CERT1: variants seen among roughly 807,000 people sequenced by gnomAD.
CERT1 encodes ceramide transfer protein.
A neutral mutation model predicts 87.9 loss-of-function variants in CERT1; 31 were observed. That is an observed-to-expected ratio of 0.35 (90% CI 0.27 to 0.48). The LOEUF (loss-of-function observed/expected upper bound fraction) is 0.48, where lower values mean the gene tolerates loss of function less well. Among genes scored for constraint, CERT1 ranks in the 20% least tolerant of loss-of-function variants. The probability of loss-of-function intolerance (pLI) is 0.99; values close to 1 mark genes in which losing one functional copy is unlikely to be tolerated. For missense variants in CERT1, 487 were observed against 758.0 expected (o/e 0.64, Z 4.20); for synonymous variants, 289 against 250.9 (o/e 1.15, Z -1.44).
chr5:75,486,525 A>AT (rs1168819245), intron 2 of CERT1, among the ~76,000 whole-genome samples: 1 of 152,140 alleles, frequency 6.6e-6, no homozygotes, highest in Non-Finnish European at 1.5e-5. Context: ...AATGAAGGGT[A>AT]TATGAATTGG....
At chr5:75,449,258 G>A (rs115834987) in intron 3 of CERT1, among the ~76,000 whole-genome samples, 2,751 of 152,168 alleles carry the variant, frequency 0.018, 82 homozygotes, top group African/African-American at 0.061. Flanking sequence ...TAGGATAGGA[G>A]AGCAAAAGTT....
chr5:75,509,882 G>C (rs963479616), intron 1 of CERT1, among the ~76,000 whole-genome samples: 1 of 152,080 alleles, frequency 6.6e-6, no homozygotes, highest in Non-Finnish European at 1.5e-5. Context: ...GGAGCTTCTC[G>C]TTACTGAAAA....
At chr5:75,510,862 C>A (rs1767932018) in intron 1 of CERT1, among the ~76,000 whole-genome samples, 1 of 152,202 alleles carries the variant, frequency 6.6e-6, no homozygotes, top group Non-Finnish European at 1.5e-5. Flanking sequence ...TCACGGCGCG[C>A]ATCTGGCCTC....
chr5:75,389,806 T>C (rs1276549742), intron 11 of CERT1, 119 bp from the exon 12 acceptor site: 2 of 701,032 alleles, frequency 2.9e-6, no homozygotes, highest in Admixed American at 2.3e-5. Context: ...AGCAACCAAA[T>C]GCACAAAGGT....
downstream of CERT1, chr5:75,377,735 T>C (rs1319209634): frequency 6.6e-6 from 1 of 152,242 alleles, no homozygotes; most frequent in African/African-American, 2.4e-5. Context: ...CATATGTTAA[T>C]ACTATATGGT....
intron 9 of CERT1, 119 bp from the exon 10 acceptor site, chr5:75,400,416 C>A: frequency 1.6e-6 from 1 of 629,712 alleles, no homozygotes; most frequent in South Asian, 2.5e-5. Flanking sequence ...GTGCTTATAA[C>A]CATTAGAATT....
At chr5:75,413,143 T>A (rs1281047192) in intron 7 of CERT1, among the ~76,000 whole-genome samples, 2 of 152,134 alleles carry the variant, frequency 1.3e-5, no homozygotes, top group East Asian at 3.9e-4. Context: ...ACACACACAT[T>A]AGCCTAGGCC....
At chr5:75,389,508 T>C (rs1761947081) in intron 12 of CERT1, 84 bp downstream of exon 12, 1 of 985,986 alleles carries the variant, frequency 1.0e-6, no homozygotes, top group Admixed American at 1.9e-5. Flanking sequence ...TTGAAAGTGC[T>C]ATCCTTATTC....
In CERT1 at chr5:75,511,447, C is replaced by CCGCCGCCGT. The variant is rs1473118737; in HGVS notation, c.-249_-241dup. ...AGCCTACCCTTCCAGCCGTCAGCCG[C>CCGCCGCCGT]CGCCGCCGTCGCCGTGACCCCTGCG... On this transcript the variant is annotated 5_prime_UTR_variant, in exon 1 of 17. Transcript: ENST00000643780. The CCGCCGCCGT allele has an allele frequency of 1.4e-5, 22 of 1,534,348 alleles. No homozygotes were observed. The highest frequency in any genetic ancestry group is 1.7e-5 in the Non-Finnish European group (19 of 1,139,840).
At chr5:75,380,848 C>G (rs1215944962) in intron 16 of CERT1, among the ~76,000 whole-genome samples, 1 of 151,264 alleles carries the variant, frequency 6.6e-6, no homozygotes, top group Non-Finnish European at 1.5e-5. Flanking sequence ...ATTTTCCTAT[C>G]CAGCTCTAGC....
intron 3 of CERT1, among the ~76,000 whole-genome samples, chr5:75,445,855 C>G (rs1764513353): frequency 6.6e-6 from 1 of 152,082 alleles, no homozygotes. Flanking sequence ...ATACATTGGC[C>G]CATACCTTCT....
intron 2 of CERT1, among the ~76,000 whole-genome samples, chr5:75,495,635 C>A (rs1767024747): frequency 6.6e-6 from 1 of 151,988 alleles, no homozygotes; most frequent in Admixed American, 6.6e-5. Flanking sequence ...TACCAGCTTC[C>A]CTGGTGAATG....
In CERT1 at chr5:75,412,267, T is replaced by C. The variant is rs139619094; in HGVS notation, c.838-1164A>G. On this transcript the variant is annotated intron_variant, in intron 7 of 16. Transcript: ENST00000643780. ...ATTGGGTAATGTAAGCACCACACTT[T>C]TGAAAGCGAAAGGGAATGTTAGTAA... Among the ~76,000 whole-genome samples the C allele has an allele frequency of 2.7e-4, 41 of 152,316 alleles. No individual in the cohort carries two copies. The East Asian group carries it at 6.7e-3, about 25-fold the overall frequency.
intron 2 of CERT1, among the ~76,000 whole-genome samples, chr5:75,479,734 T>C (rs560987743): frequency 6.6e-6 from 1 of 152,168 alleles, no homozygotes; most frequent in Non-Finnish European, 1.5e-5. Context: ...TTATTGTGAA[T>C]AGTGCTGCAA....
At chr5:75,466,885 GT>G (rs1053984467) in intron 2 of CERT1, among the ~76,000 whole-genome samples, 4 of 152,138 alleles carry the variant, frequency 2.6e-5, no homozygotes, top group Non-Finnish European at 5.9e-5. Context: ...TCCCACAACT[GT>G]TTGAACAATT....
chr5:75,503,359 T>C (rs1767474491), intron 2 of CERT1, among the ~76,000 whole-genome samples: 1 of 151,908 alleles, frequency 6.6e-6, no homozygotes, highest in African/African-American at 2.4e-5. Flanking sequence ...GAAGTGACAA[T>C]AGGCATAGCC....
At chr5:75,394,361 G>GA (rs957232007) in intron 11 of CERT1, among the ~76,000 whole-genome samples, 8 of 150,386 alleles carry the variant, frequency 5.3e-5, no homozygotes, top group South Asian at 2.1e-4. Flanking sequence ...ATAAAAAATT[G>GA]AAAAAAAAAT....
intron 17 of CERT1, chr5:75,369,264 C>G (rs1459535969): frequency 6.6e-6 from 1 of 152,090 alleles, no homozygotes; most frequent in Non-Finnish European, 1.5e-5. Context: ...ACTGGTTTAT[C>G]GGAACGCAGC....
intron 16 of CERT1, 74 bp downstream of exon 16, chr5:75,380,998 T>G (rs7706933): frequency 0.032 from 48,351 of 1,508,572 alleles, 2,276 homozygotes; most frequent in African/African-American, 0.22. Flanking sequence ...AAGGCATTTG[T>G]CCAAATTGTT....
Sources: allele counts gnomAD v4.1 joint callset (sites outside exome capture counted in the v4.1 genomes callset), GRCh38; gene constraint gnomAD v4.1.1; transcripts MANE v1.5; gene names NCBI Gene and HGNC (gene_info 2026-07-23, HGNC 2026-07-21).